ANO9: variants seen among roughly 807,000 people sequenced by gnomAD.
ANO9 encodes anoctamin-9.
In ANO9, 80 loss-of-function variants were observed where a neutral mutation model predicts 100.5. That is an observed-to-expected ratio of 0.80 (90% confidence interval 0.66 to 0.96). ANO9 has a LOEUF of 0.96. ANO9 is among the 40% of genes least tolerant of loss of function. The pLI is 0.00. For missense variants in ANO9, 1,064 were observed against 1,072.7 expected (o/e 0.99, Z 0.11); for synonymous variants, 473 against 435.6 (o/e 1.09, Z -1.07).
At chr11:427,636 G>C (rs1336519854) in intron 15 of ANO9, among the ~76,000 whole-genome samples, 2 of 152,092 alleles carry the variant, frequency 1.3e-5, no homozygotes, top group Non-Finnish European at 2.9e-5. Context: ...GGAGACCCAG[G>C]AGGTCAAGAC....
At chr11:441,819 C>T (rs1348120486) in intron 1 of ANO9, 102 bp downstream of exon 1, 19 of 1,501,842 alleles carry the variant, frequency 1.3e-5, no homozygotes, top group Admixed American at 4.4e-5. Context: ...CACACACAGG[C>T]GCCTTCCAGG....
At chr11:420,663 G>A (rs778288118) in intron 18 of ANO9, 48 bp from the exon 19 acceptor site, 5 of 1,600,620 alleles carry the variant, frequency 3.1e-6, no homozygotes, top group East Asian at 2.2e-5. Context: ...TCATGTCCGC[G>A]GACCCCCGCC....
intron 22 of ANO9, 64 bp from the exon 23 acceptor site, chr11:418,653 C>A (rs534651445): frequency 3.5e-5 from 56 of 1,610,204 alleles, no homozygotes; most frequent in Non-Finnish European, 4.4e-5. Flanking sequence ...GGGTTCAGGG[C>A]CGGGGAGAAG....
Position 418,587 on chromosome 11 carries a change from G to T in ANO9, c.2133C>A (p.His711Gln). ...IRLAFVILFE[H>Q]VALCIKLIAA... ...CGATGAGCTTGATGCACAAGGCCAC[G>T]TGCTAGCGGCAGCACAGGAGAGGCC... The change falls in exon 23 of 23, where the codon CAC (histidine) becomes CAA (glutamine). Residue 711 changes from histidine (H) to glutamine (Q), a missense_variant and splice_region_variant. Physicochemically the swap from His to Gln is conservative, Grantham distance 24 (BLOSUM62 0). Coordinates refer to ENST00000332826, the MANE Select transcript of ANO9 (RefSeq NM_001012302.3). 2 of 1,612,926 alleles carry T rather than the reference G, an allele frequency of 1.2e-6. No homozygotes were observed. Among genetic ancestry groups the T allele is most frequent in the Non-Finnish European group, 1.7e-6 (2 of 1,180,000 alleles).
At chr11:429,530 G>T (rs1174958049) in intron 11 of ANO9, 40 bp downstream of exon 11, 2 of 1,608,670 alleles carry the variant, frequency 1.2e-6, no homozygotes, top group East Asian at 2.2e-5. Context: ...AACAGCCCCT[G>T]CTCGGGTCGG....
chr11:418,419 G>A lies in ANO9; in HGVS notation c.2301C>T (p.Ala767=), dbSNP rs143472084. ...TGAAGATGGATGCTGGGGTGGGATGGGCAGGCATTGGGGGCCGAGAGCCTG... is the reference window on the plus strand; with the variant it reads ...TGAAGATGGATGCTGGGGTGGGATGAGCAGGCATTGGGGGCCGAGAGCCTG... ...VGAGSRPPMP[A]HPTPASIFSA... Residue 767 remains alanine, a synonymous_variant, in exon 23 of 23, where the codon GCC becomes GCT. Transcript: ENST00000332826. 2.0e-4 allele frequency: 325 copies of A among 1,612,412 alleles called. 1 individual carries two copies. Among genetic ancestry groups the A allele is most frequent in the Admixed American group, 3.7e-4 (22 of 59,988 alleles).
rs755668899 is a variant in ANO9 at position 430,186 on chromosome 11, G to A, written c.675-7C>T. ...GGCCTCACAGATCTCCTTGCTGAAG[G>A]GGCAGGGATGAGGCTGGGGTCGGCT... On this transcript the variant is annotated splice_polypyrimidine_tract_variant and splice_region_variant and intron_variant, in intron 8 of 22. Transcript: ENST00000332826. 7.7e-6 allele frequency: 12 copies of A among 1,551,180 alleles called. No individual in the cohort carries two copies. In the South Asian group the frequency reaches 8.3e-5, roughly 11 times the overall value.
At chr11:437,172 G>A (rs897235325) in intron 1 of ANO9, among the ~76,000 whole-genome samples, 5 of 151,938 alleles carry the variant, frequency 3.3e-5, no homozygotes, top group African/African-American at 4.8e-5. Context: ...CAGGGATCTC[G>A]GCTGCTCCTT....
chr11:423,161 G>A (rs1848295731), intron 15 of ANO9, among the ~76,000 whole-genome samples: 1 of 152,178 alleles, frequency 6.6e-6, no homozygotes, highest in African/African-American at 2.4e-5. Context: ...TTGACAAAAT[G>A]ATTCTGACAT....
chr11:429,854 G>A, intron 9 of ANO9, 36 bp from the exon 10 acceptor site: 2 of 1,553,628 alleles, frequency 1.3e-6, no homozygotes, highest in Non-Finnish European at 1.7e-6. Context: ...GAGGAGGTGG[G>A]TGAGCTGGGG....
At chr11:429,136 A>G (rs896525420) in intron 11 of ANO9, among the ~76,000 whole-genome samples, 1 of 132,108 alleles carries the variant, frequency 7.6e-6, no homozygotes, top group African/African-American at 3.0e-5. Context: ...TCATGGGTGG[A>G]CAGACACGGG....
intron 19 of ANO9, 104 bp from the exon 20 acceptor site, chr11:419,833 T>A: frequency 6.5e-7 from 1 of 1,532,156 alleles, no homozygotes; most frequent in Non-Finnish European, 8.7e-7. Context: ...TCTCTGTGCG[T>A]GGTGTCCCCT....
chr11:439,944 G>C (rs1470444396), intron 1 of ANO9, among the ~76,000 whole-genome samples: 1 of 152,250 alleles, frequency 6.6e-6, no homozygotes, highest in Non-Finnish European at 1.5e-5. Context: ...GCAGTGCGTG[G>C]CGTTCGTGGA....
rs1031173030 is a variant in ANO9, at chr11:422,271, A to G, written c.1335-1073T>C. 1.3e-5 allele frequency among the ~76,000 whole-genome samples: 2 copies of G among 152,228 alleles called. No individual in the cohort carries two copies. Among genetic ancestry groups the G allele is most frequent in the African/African-American group, 4.8e-5 (2 of 41,458 alleles). ...TGCAGGGAGAACCTCGTTCTCCCAT[A>G]AGAAAACGGAGGATGTATTTGTAGT... On this transcript the variant is annotated intron_variant, in intron 15 of 22. Coordinates refer to ENST00000332826, the MANE Select transcript of ANO9 (RefSeq NM_001012302.3). This position sits in a 1 kb window ranked among gnomAD's most constrained non-coding sequence, Gnocchi z 4.3.
At chr11:423,635 G>T (rs1173751485) in intron 15 of ANO9, among the ~76,000 whole-genome samples, 1 of 151,926 alleles carries the variant, frequency 6.6e-6, no homozygotes, top group Non-Finnish European at 1.5e-5. Flanking sequence ...AGCCTCCCAA[G>T]TAGCTAGGAC....
intron 1 of ANO9, among the ~76,000 whole-genome samples, chr11:439,286 G>T (rs1845650324): frequency 6.6e-6 from 1 of 152,358 alleles, no homozygotes; most frequent in Middle Eastern, 3.4e-3. Flanking sequence ...GCAAGCCCCT[G>T]GTTCCCAGTG....
At position 420,266 on chromosome 11, in the gene ANO9, C is replaced by A; in HGVS notation, c.1786+197G>T. The A allele has an allele frequency of 2.8e-6, 4 of 1,427,980 alleles. No homozygotes were observed. The African/African-American group carries it at 5.8e-5, about 21-fold the overall frequency. The allele number at this position is 1,427,980 out of a possible 1,614,324, so 88.5% of individuals were successfully genotyped here. ...CGGTTTGTGGGAGGAGCCTACAAAG[C>A]GCTCGGCCCCGCCCACTCCTGGTAC... On this transcript the variant is annotated intron_variant, in intron 19 of 22. Coordinates refer to ENST00000332826, the MANE Select transcript of ANO9 (RefSeq NM_001012302.3).
At chr11:425,973 C>A (rs1327538873) in intron 15 of ANO9, among the ~76,000 whole-genome samples, 1 of 152,132 alleles carries the variant, frequency 6.6e-6, no homozygotes, top group Non-Finnish European at 1.5e-5. Context: ...ACCTCATGAT[C>A]CTCGTGCCTC....
chr11:428,767 G>A lies in ANO9; in HGVS notation c.975C>T (p.His325=). 1 of 1,613,448 alleles carries A rather than the reference G, an allele frequency of 6.2e-7. No individual in the cohort carries two copies. Among genetic ancestry groups the A allele is most frequent in the Non-Finnish European group, 8.5e-7 (1 of 1,179,976 alleles). ...GGATGACGGTGCTGCGTAGGTAGGA[G>A]TGCTGGTATGGCCGGAGCTTGTAGT... ...CPDYKLRPYQ[H]SYLRSTVILV... Residue 325 remains histidine (H), a synonymous_variant, in exon 12 of 23, where the codon CAC becomes CAT. Coordinates refer to ENST00000332826, the MANE Select transcript of ANO9 (RefSeq NM_001012302.3).
Sources: allele counts gnomAD v4.1 joint callset (sites outside exome capture counted in the v4.1 genomes callset), GRCh38; gene constraint gnomAD v4.1.1; non-coding constraint Gnocchi (gnomAD v3.1); transcripts MANE v1.5; gene names NCBI Gene and HGNC (gene_info 2026-07-23, HGNC 2026-07-21).